Variants in BRD7 observed in about 807,000 individuals in gnomAD.
BRD7 encodes the protein bromodomain-containing protein 7.
In BRD7, 15 loss-of-function variants were observed where a neutral mutation model predicts 82.1. The observed-to-expected ratio is 0.18, with a 90% CI of 0.12 to 0.28. The LOEUF is 0.28. Ranked by LOEUF, BRD7 falls within the 10% of genes least tolerant of loss-of-function variation. BRD7 has a pLI of 1.00. For synonymous variants in BRD7, 232 were observed against 266.9 expected (o/e 0.87, Z 1.27); for missense variants, 638 against 779.9 (o/e 0.82, Z 2.17).
intron 3 of BRD7, 138 bp downstream of exon 3, chr16:50,354,655 C>A: frequency 7.8e-7 from 1 of 1,281,364 alleles, no homozygotes; most frequent in Non-Finnish European, 1.1e-6. Flanking sequence ...TAATTTAAAG[C>A]TCTTATGCAG....
chr16:50,334,601 C>T (rs1289966780), intron 7 of BRD7, 110 bp downstream of exon 7: 2 of 1,292,678 alleles, frequency 1.5e-6, no homozygotes, highest in African/African-American at 3.0e-5. Flanking sequence ...ACACCACCAC[C>T]ACCGACACAC....
chr16:50,347,251 G>A (rs1028543169), intron 5 of BRD7, among the ~76,000 whole-genome samples: 1 of 152,150 alleles, frequency 6.6e-6, no homozygotes, highest in Non-Finnish European at 1.5e-5. Flanking sequence ...GGTATTGATA[G>A]GACATATCTC....
At chr16:50,346,509 T>C (rs143684436) in intron 5 of BRD7, among the ~76,000 whole-genome samples, 3 of 152,232 alleles carry the variant, frequency 2.0e-5, no homozygotes, top group African/African-American at 4.8e-5. Flanking sequence ...ATCAACAAAA[T>C]TGATAGACCA....
At chr16:50,322,089 A>G in intron 12 of BRD7, 51 bp from the exon 13 acceptor site, 1 of 1,415,940 alleles carries the variant, frequency 7.1e-7, no homozygotes, top group South Asian at 1.3e-5. Flanking sequence ...GAAGGCGAAT[A>G]TCAAGGAAAA....
rs2037981588 is a variant in BRD7 at position 50,340,019 on chromosome 16, G to A, written c.659C>T (p.Ala220Val). Reference protein sequence around the residue: ...YNKPETIYYKAAKKLLHSGMK... With the variant: ...YNKPETIYYKVAKKLLHSGMK... ...TCCTGAGTGCAACAGCTTCTTTGCA[G>A]CTTTATAATAAATGGTCTCTGGTTT... is the stretch of plus-strand genomic sequence containing the variant. The change falls in exon 6 of 17, where the codon GCT becomes GTT. Residue 220 changes from alanine to valine, a missense_variant. This residue lies in a region of BRD7 where 64 missense variants were observed against 123.8 expected (regional missense o/e 0.52). Transcript: ENST00000394688. 1 of 1,600,652 alleles carries A rather than the reference G, an allele frequency of 6.2e-7. No individual in the cohort carries two copies.
intron 5 of BRD7, chr16:50,349,430 A>T: frequency 2.6e-6 from 1 of 378,216 alleles, no homozygotes; most frequent in Non-Finnish European, 5.2e-6. Context: ...CATCTAAAAA[A>T]AAAAAAGAAA....
At chr16:50,331,302 G>GA (rs1433183745) in intron 8 of BRD7, among the ~76,000 whole-genome samples, 12 of 152,172 alleles carry the variant, frequency 7.9e-5, no homozygotes, top group African/African-American at 2.9e-4. Flanking sequence ...CACAGATTCA[G>GA]AAAAAACTAT....
intron 14 of BRD7, 91 bp downstream of exon 14, chr16:50,320,572 G>A (rs2037055018): frequency 7.3e-7 from 1 of 1,364,364 alleles, no homozygotes; most frequent in Non-Finnish European, 1.0e-6. Flanking sequence ...TTCCTGTGGT[G>A]AATGGCTATG....
chr16:50,367,675 T>C (rs1443978662), intron 2 of BRD7, among the ~76,000 whole-genome samples: 1 of 152,216 alleles, frequency 6.6e-6, no homozygotes, highest in African/African-American at 2.4e-5. Context: ...AGATTTAAAG[T>C]TGCTCATTAC....
chr16:50,361,254 A>G (rs1376708703), intron 2 of BRD7, among the ~76,000 whole-genome samples: 1 of 152,240 alleles, frequency 6.6e-6, no homozygotes. Flanking sequence ...TAAAATAGGT[A>G]CTTACTGGAA....
chr16:50,344,955 C>A (rs2038221329), intron 5 of BRD7, among the ~76,000 whole-genome samples: 1 of 152,096 alleles, frequency 6.6e-6, no homozygotes, highest in Non-Finnish European at 1.5e-5. Context: ...AACTCCAAGA[C>A]ACATAATTGT....
chr16:50,321,454 C>A (rs1343984869), intron 13 of BRD7, among the ~76,000 whole-genome samples: 1 of 150,548 alleles, frequency 6.6e-6, no homozygotes, highest in Non-Finnish European at 1.5e-5. Context: ...GTAATCACAG[C>A]TACTCGGGAG....
Position 50,368,736 on chromosome 16 carries a change from G to T in BRD7, c.39C>A (p.His13Gln), listed in dbSNP as rs755848184. ...CGGCCCCCTCCTCACCCTCGTAGAG[G>T]TGTTTGTCCGACTTGTGCTTCTTGT... ...KKHKKHKSDKHLYEEYVEKPL... is the reference protein window; with the variant it reads ...KKHKKHKSDKQLYEEYVEKPL... Residue 13 changes from histidine to glutamine, a missense_variant, in exon 1 of 17, where the codon CAC (histidine) becomes CAA (glutamine). His to Gln is a conservative substitution (Grantham distance 24). Around this residue, in one of 3 missense-constraint regions of BRD7, gnomAD observed 172 missense variants for 155.3 expected, o/e 1.11. Transcript: ENST00000394688. 3 of 1,556,974 alleles carry T rather than the reference G, an allele frequency of 1.9e-6. No individual in the cohort carries two copies. Among genetic ancestry groups the T allele is most frequent in the African/African-American group, 2.9e-5 (2 of 70,046 alleles).
chr16:50,349,723 G>C, intron 5 of BRD7: 1 of 423,234 alleles, frequency 2.4e-6, no homozygotes, highest in Non-Finnish European at 4.7e-6. Context: ...CGTTTTACTT[G>C]TATTGATCTA....
intron 5 of BRD7, among the ~76,000 whole-genome samples, chr16:50,347,941 C>G (rs1289840576): frequency 1.3e-5 from 2 of 152,158 alleles, no homozygotes; most frequent in Non-Finnish European, 2.9e-5. Context: ...AAAAAAGAGC[C>G]TGCATTGCCA....
chr16:50,354,049 T>C (rs895212661), intron 4 of BRD7, among the ~76,000 whole-genome samples: 1 of 152,218 alleles, frequency 6.6e-6, no homozygotes, highest in Non-Finnish European at 1.5e-5. Context: ...TTTTCTCCCA[T>C]ACTTAATAAT....
intron 5 of BRD7, among the ~76,000 whole-genome samples, chr16:50,346,459 C>CA (rs535086242): frequency 6.9e-4 from 105 of 152,078 alleles, no homozygotes; most frequent in African/African-American, 2.3e-3. Context: ...AAAAACCCTT[C>CA]AAAAAAATCA....
intron 5 of BRD7, among the ~76,000 whole-genome samples, chr16:50,342,701 G>T (rs1483029227): frequency 6.6e-6 from 1 of 152,028 alleles, no homozygotes; most frequent in African/African-American, 2.4e-5. Flanking sequence ...GATTACAGGT[G>T]TAAGCCACCA....
Position 50,368,855 on chromosome 16 carries a change from G to C in BRD7, c.-81C>G. 2 of 1,052,262 alleles carry C rather than the reference G, an allele frequency of 1.9e-6. No homozygotes were observed. The highest frequency in any genetic ancestry group is 2.3e-6 in the Non-Finnish European group (2 of 851,122). The allele number at this position is 1,052,262 out of a possible 1,614,324, so 65.2% of individuals were successfully genotyped here. The stretch of plus-strand genomic sequence containing the variant: ...GCTTCCGGTCCGGGCCAGGCGAGCG[G>C]AGGGCGGGAGCGGGGCCCGCGAGAC... On this transcript the variant is annotated 5_prime_UTR_variant, in exon 1 of 17. Coordinates refer to ENST00000394688, the MANE Select transcript of BRD7 (RefSeq NM_013263.5).
Sources: gnomAD v4.1 joint callset for allele counts (sites outside exome capture counted in the v4.1 genomes callset) on GRCh38, gnomAD v4.1.1 for gene constraint, gnomAD v4.1.1 regional missense constraint, MANE v1.5 for transcripts, NCBI Gene and HGNC (gene_info 2026-07-23, HGNC 2026-07-21) for gene names.